SNTG2: variants seen among roughly 807,000 people sequenced by gnomAD.
SNTG2 encodes the protein gamma-2-syntrophin.
In SNTG2, 74 loss-of-function variants were observed where a neutral mutation model predicts 70.9. The ratio of observed to expected loss-of-function variants is 1.04; its 90% CI spans 0.86 to 1.27. The LOEUF is 1.27. Ranked by LOEUF, SNTG2 falls within the 50% of genes most tolerant of loss-of-function variation. The pLI is 0.00. For synonymous variants in SNTG2, 278 were observed against 273.8 expected, an observed-to-expected ratio of 1.02 and a Z score of -0.15; for missense variants, 717 against 690.7, an observed-to-expected ratio of 1.04 and a Z score of -0.43.
intron 9 of SNTG2, among the ~76,000 whole-genome samples, chr2:1,209,980 G>A (rs966130104): frequency 2.0e-5 from 3 of 152,018 alleles, no homozygotes; most frequent in Non-Finnish European, 2.9e-5. Context: ...GTGTGTGGCC[G>A]TGGTGTGTGC....
At chr2:1,156,584 A>G (rs938858360) in intron 6 of SNTG2, among the ~76,000 whole-genome samples, 1 of 152,174 alleles carries the variant, frequency 6.6e-6, no homozygotes, top group Non-Finnish European at 1.5e-5. Context: ...CTCCAGCCAC[A>G]GAGTGCAGCC....
chr2:987,964 G>A lies in SNTG2; in HGVS notation c.72+36896G>A, dbSNP rs568897361. 2.6e-5 allele frequency among the ~76,000 whole-genome samples: 4 copies of A among 152,316 alleles called. No homozygotes were observed. The East Asian group carries it at 7.8e-4, about 30-fold the overall frequency. On this transcript the variant is annotated intron_variant, in intron 1 of 16. Transcript: ENST00000308624. ...ATGACACCCCACGTGGGCCTCTCCA[G>A]GCCGCTCGGCTGCCCAGATGCAGCT...
chr2:1,320,406 C>T (rs892160934), intron 16 of SNTG2, among the ~76,000 whole-genome samples: 2 of 151,678 alleles, frequency 1.3e-5, no homozygotes, highest in African/African-American at 4.8e-5. Flanking sequence ...GTTGCGGGCA[C>T]CTGTAGTCCC....
intron 6 of SNTG2, among the ~76,000 whole-genome samples, chr2:1,145,661 TC>T (rs1414489184): frequency 6.6e-6 from 1 of 152,214 alleles, no homozygotes; most frequent in African/African-American, 2.4e-5. Context: ...ACAATCACTT[TC>T]AGAGAACAGA....
Position 1,247,455 on chromosome 2 carries a change from T to G in SNTG2, c.1005+12T>G, listed in dbSNP as rs921163169. The G allele has an allele frequency of 1.3e-6, 2 of 1,573,886 alleles. No individual in the cohort carries two copies. Among genetic ancestry groups the G allele is most frequent in the African/African-American group, 2.7e-5 (2 of 74,194 alleles). On this transcript the variant is annotated intron_variant, in intron 12 of 16. Transcript: ENST00000308624. ...TCAGCACTCCTCCGGTAAGGATGCT[T>G]TTGACACTCCACAGGGAGGGGCTGC...
chr2:1,364,146 ATTTTTT>A (rs57194458), intron 16 of SNTG2, among the ~76,000 whole-genome samples: 1 of 147,316 alleles, frequency 6.8e-6, no homozygotes, highest in Non-Finnish European at 1.5e-5. Flanking sequence ...AATTTTTAGT[ATTTTTT>A]TTTTTTTTTG....
chr2:1,046,653 T>G lies in SNTG2; in HGVS notation c.73-36865T>G, dbSNP rs558557864. Among the ~76,000 whole-genome samples the G allele has an allele frequency of 3.3e-5, 5 of 152,302 alleles. No individual in the cohort carries two copies. In the South Asian group the frequency reaches 8.3e-4, roughly 25 times the overall value. On this transcript the variant is annotated intron_variant, in intron 1 of 16. Transcript: ENST00000308624. ...TGGATATGAAATTTTTGGTTGTAAT[T>G]TATTTTTTCTAACGATGTTGAATAT...
chr2:1,303,709 GAAGA>G (rs1407976521), intron 14 of SNTG2, among the ~76,000 whole-genome samples: 10 of 151,982 alleles, frequency 6.6e-5, no homozygotes, highest in African/African-American at 2.2e-4. Flanking sequence ...CAAATGTTTA[GAAGA>G]AAGACTCACA....
intron 4 of SNTG2, among the ~76,000 whole-genome samples, chr2:1,113,915 C>G (rs1327772309): frequency 6.6e-6 from 1 of 151,482 alleles, no homozygotes; most frequent in Non-Finnish European, 1.5e-5. Context: ...AGGTTTAACC[C>G]TTACAGTCCT....
At chr2:1,169,374 G>A (rs755386616) in intron 7 of SNTG2, among the ~76,000 whole-genome samples, 2 of 152,110 alleles carry the variant, frequency 1.3e-5, no homozygotes, top group African/African-American at 4.8e-5. Flanking sequence ...TTCACAGGCC[G>A]AGTGAGATGG....
intron 16 of SNTG2, among the ~76,000 whole-genome samples, chr2:1,363,408 C>T (rs1661307397): frequency 1.3e-5 from 2 of 152,182 alleles, no homozygotes; most frequent in Non-Finnish European, 2.9e-5. Flanking sequence ...TCCCAGCTTG[C>T]AATTGCCTAC....
intron 1 of SNTG2, among the ~76,000 whole-genome samples, chr2:986,067 T>TAGAGAGAGAGAGAGAGAGAGAGAGAG (rs10633277): frequency 7.7e-6 from 1 of 129,718 alleles, no homozygotes; most frequent in Non-Finnish European, 1.6e-5. Flanking sequence ...CTGCAAATAA[T>TAGAGAGAGAGAGAGAGAGAGAGAGAG]AGAGAGAGAG....
intron 1 of SNTG2, among the ~76,000 whole-genome samples, chr2:1,014,567 G>A (rs1659820250): frequency 1.0e-5 from 1 of 96,634 alleles, no homozygotes; most frequent in African/African-American, 3.6e-5. Flanking sequence ...GAGAAGGGTG[G>A]TCTGGAGAAG....
intron 1 of SNTG2, among the ~76,000 whole-genome samples, chr2:1,011,823 A>G (rs1026478335): frequency 2.0e-5 from 3 of 152,210 alleles, no homozygotes; most frequent in Non-Finnish European, 4.4e-5. Flanking sequence ...TAAAAAACAC[A>G]TTTTAATTAT....
intron 16 of SNTG2, among the ~76,000 whole-genome samples, chr2:1,357,304 C>T (rs563910297): frequency 3.3e-5 from 5 of 152,196 alleles, no homozygotes; most frequent in African/African-American, 9.6e-5. Context: ...GCCTTTGTTA[C>T]GTTCGGGTAA....
At chr2:958,468 G>A (rs529859796) in intron 1 of SNTG2, among the ~76,000 whole-genome samples, 1 of 152,226 alleles carries the variant, frequency 6.6e-6, no homozygotes, top group South Asian at 2.1e-4. Flanking sequence ...TCCAGATTTG[G>A]TGCTTCAAGA....
chr2:1,271,963 ATTGGC>A (rs767677650), intron 14 of SNTG2, among the ~76,000 whole-genome samples: 76 of 152,150 alleles, frequency 5.0e-4, no homozygotes, highest in Non-Finnish European at 8.1e-4. Flanking sequence ...CTATTGGATG[ATTGGC>A]TTCTGTGAAC....
chr2:1,302,255 G>A (rs918805359), intron 14 of SNTG2, among the ~76,000 whole-genome samples: 4 of 151,942 alleles, frequency 2.6e-5, no homozygotes, highest in Non-Finnish European at 2.9e-5. Flanking sequence ...CACCGCGCCC[G>A]GCCTGTGTTT....
chr2:1,175,372 C>A lies in SNTG2; in HGVS notation c.591+2189C>A, dbSNP rs185177525. On this transcript the variant is annotated intron_variant, in intron 8 of 16. Transcript: ENST00000308624. The stretch of plus-strand genomic sequence containing the variant: ...CAATTTGTGTCATCTGTAGGCCTTG[C>A]CCTCTTGCCACCTCCTAACTCACTC... 3.1e-4 allele frequency among the ~76,000 whole-genome samples: 47 copies of A among 152,286 alleles called. No homozygotes were observed. In the East Asian group the frequency reaches 8.5e-3, roughly 28 times the overall value.
Sources: allele counts gnomAD v4.1 joint callset (sites outside exome capture counted in the v4.1 genomes callset), GRCh38; gene constraint gnomAD v4.1.1; transcripts MANE v1.5; gene names NCBI Gene and HGNC (gene_info 2026-07-23, HGNC 2026-07-21).